KLHL3: variants seen among roughly 807,000 people sequenced by gnomAD.
KLHL3 encodes kelch-like protein 3.
Under a neutral mutation model 70.5 loss-of-function variants are expected in KLHL3, and 19 were observed. The observed-to-expected ratio is 0.27, with a 90% CI of 0.19 to 0.40. KLHL3 has a LOEUF of 0.40. Ranked by LOEUF, KLHL3 falls within the 10% of genes least tolerant of loss-of-function variation. The probability of loss-of-function intolerance (pLI) is 1.00; values close to 1 mark genes in which losing one functional copy is unlikely to be tolerated. For missense variants in KLHL3, 512 were observed against 771.1 expected (o/e 0.66, Z 3.98); for synonymous variants, 258 against 290.3 (o/e 0.89, Z 1.13).
At position 137,634,086 on chromosome 5, in the gene KLHL3, G is replaced by T. The variant is rs35420153; in HGVS notation, c.1401C>A (p.Thr467=). ...TGTCCGCCACGTATATCCATTCATT[G>T]GTCGCTGGGTTGTACTGCTCCACAG... The part of the protein sequence containing the change: ...LSTVEQYNPA[T]NEWIYVADMS... The change falls in exon 12 of 15, where the codon ACC becomes ACA. Residue 467 remains threonine (T), a synonymous_variant. Transcript: ENST00000309755. 60 of 1,614,176 alleles carry T rather than the reference G, an allele frequency of 3.7e-5. No homozygotes were observed. The Middle Eastern group carries it at 6.6e-4, about 18-fold the overall frequency.
At chr5:137,692,909 T>A (rs996003575) in intron 4 of KLHL3, among the ~76,000 whole-genome samples, 1 of 151,704 alleles carries the variant, frequency 6.6e-6, no homozygotes, top group Non-Finnish European at 1.5e-5. Context: ...TTAAAACTAC[T>A]GATGTCTAGG....
chr5:137,628,450 G>A lies in KLHL3; in HGVS notation c.1451-13C>T. 6.2e-7 allele frequency: 1 copy of A among 1,613,974 alleles called. No individual in the cohort carries two copies. Among genetic ancestry groups the A allele is most frequent in the Non-Finnish European group, 8.5e-7 (1 of 1,179,934 alleles). On this transcript the variant is annotated splice_polypyrimidine_tract_variant and intron_variant, in intron 12 of 14. Coordinates refer to ENST00000309755, the MANE Select transcript of KLHL3 (RefSeq NM_017415.3). Reference sequence around the variant, plus strand: ...AGCACTCCAACCCCTGAAAGGCAGAGCACAGCATCCCAGCCTCATGCTGAC... The same window carrying A: ...AGCACTCCAACCCCTGAAAGGCAGAACACAGCATCCCAGCCTCATGCTGAC...
Position 137,639,127 on chromosome 5 carries a change from C to A in KLHL3, c.1045G>T (p.Val349Leu). ...CCATTAAACCCTCCCACGGCATACA[C>A]GTGGCCAGCCATGAACACCACACCT... is the stretch of plus-strand genomic sequence containing the variant. ...RAGVVFMAGHVYAVGGFNGSL... is the reference protein window; with the variant it reads ...RAGVVFMAGHLYAVGGFNGSL... The change falls in exon 10 of 15, where the codon GTG becomes TTG. Residue 349 changes from valine (V) to leucine (L), a missense_variant. Coordinates refer to ENST00000309755, the MANE Select transcript of KLHL3 (RefSeq NM_017415.3). The surrounding 1 kb of genome is among the most constrained non-coding windows in gnomAD (Gnocchi z 5.0). The A allele has an allele frequency of 1.2e-6, 2 of 1,613,670 alleles. No individual in the cohort carries two copies.
At chr5:137,720,871 G>A in intron 1 of KLHL3, 1 of 1,216,406 alleles carries the variant, frequency 8.2e-7, no homozygotes, top group Non-Finnish European at 1.0e-6. Context: ...AAACTGAAGG[G>A]GACTAAGCAC....
intron 8 of KLHL3, among the ~76,000 whole-genome samples, chr5:137,641,621 G>A (rs1750916148): frequency 6.6e-6 from 1 of 152,178 alleles, no homozygotes; most frequent in Non-Finnish European, 1.5e-5. Flanking sequence ...CATCCCTCAA[G>A]TGAACACTTC....
At chr5:137,703,176 G>A (rs1378295079) in intron 3 of KLHL3, among the ~76,000 whole-genome samples, 1 of 150,116 alleles carries the variant, frequency 6.7e-6, no homozygotes, top group East Asian at 1.9e-4. Flanking sequence ...TTAAAGACAA[G>A]AAAAGGGAGT....
chr5:137,682,865 C>A (rs536585025), intron 5 of KLHL3, among the ~76,000 whole-genome samples: 1 of 152,336 alleles, frequency 6.6e-6, no homozygotes, highest in East Asian at 1.9e-4. Context: ...ACCTCTCAAG[C>A]TAGCCCCAGG....
intron 12 of KLHL3, among the ~76,000 whole-genome samples, chr5:137,630,789 A>G (rs1475203379): frequency 2.0e-5 from 3 of 152,188 alleles, no homozygotes; most frequent in Non-Finnish European, 4.4e-5. Flanking sequence ...AAATGACAGC[A>G]GACCCAGCAC....
intron 3 of KLHL3, among the ~76,000 whole-genome samples, chr5:137,708,370 C>T (rs1249274363): frequency 3.9e-5 from 6 of 152,226 alleles, no homozygotes; most frequent in Admixed American, 2.6e-4. Context: ...AAAAATGTGC[C>T]TGCACTCACC....
chr5:137,656,440 CAG>C (rs1387116107), intron 8 of KLHL3, among the ~76,000 whole-genome samples: 2 of 152,150 alleles, frequency 1.3e-5, no homozygotes, highest in African/African-American at 4.8e-5. Context: ...TGAAAAAGTG[CAG>C]AGAGACATGT....
intron 6 of KLHL3, among the ~76,000 whole-genome samples, chr5:137,663,616 T>G (rs888670592): frequency 7.9e-5 from 12 of 152,138 alleles, no homozygotes; most frequent in Non-Finnish European, 1.6e-4. Flanking sequence ...GTGGATATGA[T>G]GTAGTACTTG....
chr5:137,712,256 T>C (rs1265977086), intron 2 of KLHL3, among the ~76,000 whole-genome samples: 15 of 150,644 alleles, frequency 1.0e-4, no homozygotes. Context: ...GCTGAACAAA[T>C]GTTCAGTGCT....
rs769771268 is a variant in KLHL3, at chr5:137,639,097, G to T, written c.1075C>A (p.Leu359Met). Residue 359 changes from leucine (L) to methionine (M), a missense_variant, in exon 10 of 15, where the codon CTG (leucine) becomes ATG (methionine). Coordinates refer to ENST00000309755, the MANE Select transcript of KLHL3 (RefSeq NM_017415.3). The surrounding 1 kb of genome is among the most constrained non-coding windows in gnomAD (Gnocchi z 5.0). ...TACACATCCACTGTCCGCACCCGCA[G>T]TGAGCCATTAAACCCTCCCACGGCA... ...VYAVGGFNGSLRVRTVDVYDG... is the reference protein window; with the variant it reads ...VYAVGGFNGSMRVRTVDVYDG... 2 of 1,614,102 alleles carry T rather than the reference G, an allele frequency of 1.2e-6. No individual in the cohort carries two copies. The highest frequency in any genetic ancestry group is 3.3e-5 in the Admixed American group (2 of 60,024).
intron 8 of KLHL3, among the ~76,000 whole-genome samples, chr5:137,651,971 G>A (rs565290117): frequency 1.3e-5 from 2 of 152,220 alleles, no homozygotes; most frequent in Admixed American, 1.3e-4. Context: ...CCAATAAATA[G>A]TGTGGAACAA....
rs567860277 is a variant in KLHL3 at position 137,630,824 on chromosome 5, A to T, written c.1451-2387T>A. Among the ~76,000 whole-genome samples the T allele has an allele frequency of 4.5e-4, 68 of 152,286 alleles. 1 individual carries two copies. Among genetic ancestry groups the T allele is most frequent in the Admixed American group, 4.4e-3 (67 of 15,302 alleles). ...CCAAGTCCCGGGCCTCCTGACTTCC[A>T]GGCAATGGCCCCACGTTCAGGAAGG... is the stretch of plus-strand genomic sequence containing the variant. On this transcript the variant is annotated intron_variant, in intron 12 of 14. Transcript: ENST00000309755.
At chr5:137,691,337 G>A (rs2967800) in intron 5 of KLHL3, among the ~76,000 whole-genome samples, 118,919 of 152,166 alleles carry the variant, frequency 0.78, 46,695 homozygotes, top group East Asian at 0.98. Context: ...AAAGAGGGGG[G>A]TGGCTGCATG....
At chr5:137,671,059 A>C (rs922793932) in intron 6 of KLHL3, among the ~76,000 whole-genome samples, 1 of 152,114 alleles carries the variant, frequency 6.6e-6, no homozygotes, top group African/African-American at 2.4e-5. Flanking sequence ...AGTTAAGCAA[A>C]TACTGACCTG....
chr5:137,647,766 G>A, intron 8 of KLHL3: 1 of 364,226 alleles, frequency 2.7e-6, no homozygotes, highest in Non-Finnish European at 5.7e-6. Context: ...GAGAAAATGG[G>A]GGTCTGAGAA....
chr5:137,695,173 A>G (rs1752417045), intron 4 of KLHL3, among the ~76,000 whole-genome samples: 2 of 152,156 alleles, frequency 1.3e-5, no homozygotes, highest in African/African-American at 4.8e-5. Context: ...TTTCCTGAAT[A>G]TACTCCTTAG....
Sources: allele counts gnomAD v4.1 joint callset (sites outside exome capture counted in the v4.1 genomes callset), GRCh38; gene constraint gnomAD v4.1.1; non-coding constraint Gnocchi (gnomAD v3.1); transcripts MANE v1.5; gene names NCBI Gene and HGNC (gene_info 2026-07-23, HGNC 2026-07-21).